The following SGCD variants were observed in gnomAD, a reference collection of about 807,000 sequenced individuals.
SGCD encodes the protein delta-sarcoglycan.
SGCD carries 18 observed loss-of-function variants against 36.6 expected under a neutral mutation model. That is an observed-to-expected ratio of 0.49 (90% CI 0.34 to 0.73). SGCD has a LOEUF of 0.73. Among genes scored for constraint, SGCD ranks in the 30% least tolerant of loss-of-function variants. The pLI is 0.01. For synonymous variants in SGCD, 133 were observed against 130.6 expected (o/e 1.02, Z -0.12); for missense variants, 387 against 346.7 (o/e 1.12, Z -0.92).
chr5:156,385,940 A>C (rs1340694593), intron 3 of SGCD, among the ~76,000 whole-genome samples: 1 of 152,202 alleles, frequency 6.6e-6, no homozygotes, highest in Non-Finnish European at 1.5e-5. Context: ...GGCCAGGTGG[A>C]GATGTAGGAA....
chr5:156,450,189 G>A (rs566550115), intron 3 of SGCD, among the ~76,000 whole-genome samples: 3 of 152,188 alleles, frequency 2.0e-5, no homozygotes, highest in African/African-American at 7.2e-5. Flanking sequence ...AGTCTGCATT[G>A]TCCATTTTTC....
At chr5:156,672,452 C>T (rs1362627826) in intron 7 of SGCD, among the ~76,000 whole-genome samples, 2 of 152,158 alleles carry the variant, frequency 1.3e-5, no homozygotes, top group East Asian at 1.9e-4. Flanking sequence ...CCACCAGATG[C>T]TCCCAGCCAC....
intron 6 of SGCD, among the ~76,000 whole-genome samples, chr5:156,601,713 T>C (rs1761199134): frequency 1.3e-5 from 2 of 152,224 alleles, no homozygotes; most frequent in Non-Finnish European, 2.9e-5. Flanking sequence ...AGATGGAGTC[T>C]GGCTCTGTCG....
intron 3 of SGCD, among the ~76,000 whole-genome samples, chr5:156,179,444 AC>A (rs1177276972): frequency 1.3e-5 from 2 of 152,134 alleles, no homozygotes; most frequent in Non-Finnish European, 2.9e-5. Context: ...TGTTGTATAT[AC>A]ATAGTTGTAT....
chr5:156,441,104 C>T (rs1753472745), intron 3 of SGCD, among the ~76,000 whole-genome samples: 1 of 152,068 alleles, frequency 6.6e-6, no homozygotes, highest in Non-Finnish European at 1.5e-5. Flanking sequence ...TTTTAAGCCC[C>T]CTGGTAGGTG....
chr5:155,780,936 C>G, the SGCD span, among the ~76,000 whole-genome samples: 3 of 152,186 alleles, frequency 2.0e-5, no homozygotes, highest in Non-Finnish European at 4.4e-5. Flanking sequence ...ACACCACTGA[C>G]TTGGTCATTC....
chr5:156,477,620 G>A (rs911232718), intron 3 of SGCD, among the ~76,000 whole-genome samples: 1 of 148,622 alleles, frequency 6.7e-6, no homozygotes, highest in Non-Finnish European at 1.5e-5. Context: ...ATGAGCTGTT[G>A]CCTTGATGGC....
chr5:156,633,135 G>A (rs574778096), intron 6 of SGCD, among the ~76,000 whole-genome samples: 53 of 152,272 alleles, frequency 3.5e-4, no homozygotes, highest in African/African-American at 1.3e-3. Context: ...CAACATGGCT[G>A]CCAGCCCCAA....
chr5:156,494,149 G>A (rs959642439), intron 3 of SGCD, among the ~76,000 whole-genome samples: 11 of 152,068 alleles, frequency 7.2e-5, no homozygotes, highest in Non-Finnish European at 2.9e-5. Context: ...CTATAGGGCT[G>A]CTGTTGAACA....
chr5:155,959,416 G>A (rs926893949), intron 1 of SGCD, among the ~76,000 whole-genome samples: 7 of 152,044 alleles, frequency 4.6e-5, no homozygotes, highest in Admixed American at 3.3e-4. Context: ...TTCCTAGTAG[G>A]TCCCAAACTT....
intron 7 of SGCD, among the ~76,000 whole-genome samples, chr5:156,660,487 CT>C: frequency 6.6e-6 from 1 of 152,366 alleles, no homozygotes; most frequent in Admixed American, 6.5e-5. Flanking sequence ...TGATTTTCTC[CT>C]GGTGAAACAC....
At chr5:156,608,057 G>T (rs910205623) in intron 6 of SGCD, among the ~76,000 whole-genome samples, 88 of 152,240 alleles carry the variant, frequency 5.8e-4, no homozygotes, top group Non-Finnish European at 9.6e-4. Context: ...GTTCTGCTCT[G>T]ATCTTAGTTA....
intron 3 of SGCD, among the ~76,000 whole-genome samples, chr5:156,387,175 T>A (rs1338902769): frequency 6.6e-6 from 1 of 152,190 alleles, no homozygotes; most frequent in South Asian, 2.1e-4. Context: ...CAGAAGCACA[T>A]GAGCCTCATG....
chr5:156,604,079 A>T (rs6890122), intron 6 of SGCD, among the ~76,000 whole-genome samples: 8,017 of 151,774 alleles, frequency 0.053, 703 homozygotes, highest in African/African-American at 0.18. Flanking sequence ...AGTGCTTTGG[A>T]ATTGGGTTTC....
chr5:156,444,073 T>C (rs957714163), intron 3 of SGCD, among the ~76,000 whole-genome samples: 1 of 77,794 alleles, frequency 1.3e-5, no homozygotes, highest in South Asian at 5.7e-4. Flanking sequence ...CTTCTCTCTC[T>C]CTCTCTCTCT....
At chr5:156,695,138 T>G (rs77109573) in intron 7 of SGCD, among the ~76,000 whole-genome samples, 3,281 of 145,542 alleles carry the variant, frequency 0.023, 98 homozygotes, top group African/African-American at 0.073. Flanking sequence ...GTGTGTGTGT[T>G]TGTGTGTGTG....
At chr5:156,720,039 A>C (rs1755418833) in intron 7 of SGCD, among the ~76,000 whole-genome samples, 1 of 152,146 alleles carries the variant, frequency 6.6e-6, no homozygotes, top group African/African-American at 2.4e-5. Context: ...CTACCCTGGT[A>C]GTCCCAGAAG....
At chr5:155,757,523 G>A in the SGCD span, among the ~76,000 whole-genome samples, 1 of 152,186 alleles carries the variant, frequency 6.6e-6, no homozygotes. Context: ...GCCCTAAATA[G>A]TTACTAAGTG....
chr5:155,812,069 G>A, the SGCD span, among the ~76,000 whole-genome samples: 3 of 152,142 alleles, frequency 2.0e-5, no homozygotes, highest in Admixed American at 2.0e-4. Context: ...ACAAAAGCTG[G>A]TTACAAACAA....
Sources: allele counts gnomAD v4.1 joint callset (sites outside exome capture counted in the v4.1 genomes callset), GRCh38; gene constraint gnomAD v4.1.1; transcripts MANE v1.5; gene names NCBI Gene and HGNC (gene_info 2026-07-23, HGNC 2026-07-21).